The following HMGCLL1 variants were observed in gnomAD, a reference collection of about 807,000 sequenced individuals.
HMGCLL1 encodes 3-hydroxymethyl-3-methylglutaryl-CoA lyase, cytoplasmic.
In HMGCLL1, 36 loss-of-function variants were observed where a neutral mutation model predicts 39.1. That is an observed-to-expected ratio of 0.92 (90% CI 0.71 to 1.22). HMGCLL1 has a LOEUF of 1.22. Among genes scored for constraint, HMGCLL1 ranks in the 50% most tolerant of loss-of-function variants. HMGCLL1 has a pLI of 0.00. For missense variants in HMGCLL1, 451 were observed against 416.5 expected (o/e 1.08, Z -0.72); for synonymous variants, 149 against 144.0 (o/e 1.03, Z -0.25).
At position 55,532,804 on chromosome 6, in the gene HMGCLL1, CATAATAATAATA is replaced by C. The variant is rs201080387; in HGVS notation, c.297+8913_297+8924del. Among the ~76,000 whole-genome samples the C allele has an allele frequency of 9.6e-3, 689 of 71,524 alleles. 3 individuals carry two copies. Among genetic ancestry groups the C allele is most frequent in the East Asian group, 0.019 (49 of 2,596 alleles). The allele number at this position is 71,524 out of a possible 152,430, so 46.9% of individuals were successfully genotyped here. On this transcript the variant is annotated intron_variant, in intron 3 of 8. Coordinates refer to ENST00000274901, the MANE Select transcript of HMGCLL1 (RefSeq NM_001042406.2). ...CAACAAAGCAAGACTCTGTCTCAAA[CATAATAATAATA>C]ATAATAATAATAATAATAATAATAA...
chr6:55,577,985 A>C (rs895089502), intron 1 of HMGCLL1, among the ~76,000 whole-genome samples: 1 of 152,226 alleles, frequency 6.6e-6, no homozygotes, highest in Non-Finnish European at 1.5e-5. Context: ...AATTTCACAT[A>C]TGATACACTA....
intron 7 of HMGCLL1, among the ~76,000 whole-genome samples, chr6:55,457,511 G>A (rs1764375692): frequency 6.6e-6 from 1 of 152,150 alleles, no homozygotes; most frequent in African/African-American, 2.4e-5. Context: ...AGAAGTTTGA[G>A]TTATTAAAGC....
intron 1 of HMGCLL1, among the ~76,000 whole-genome samples, chr6:55,573,324 G>T (rs1256273395): frequency 6.6e-6 from 1 of 152,090 alleles, no homozygotes; most frequent in Non-Finnish European, 1.5e-5. Context: ...CATACCAGGT[G>T]TCTAACATAT....
upstream of HMGCLL1, among the ~76,000 whole-genome samples, chr6:55,581,113 C>A (rs1323298917): frequency 6.6e-6 from 1 of 152,020 alleles, no homozygotes; most frequent in Non-Finnish European, 1.5e-5. Context: ...AAATTGAAGT[C>A]TAAACTTTTG....
At chr6:55,659,525 T>C in the HMGCLL1 span, among the ~76,000 whole-genome samples, 8,347 of 151,954 alleles carry the variant, frequency 0.055, 388 homozygotes, top group Non-Finnish European at 0.077. Context: ...CTAGTTGTCA[T>C]GCAACTGAAG....
rs1769446356 is a variant in HMGCLL1, at chr6:55,541,720, T to A, written c.297+9A>T. ...TAGGATCTAATTAAGAAATTGTGGG[T>A]TTACATACCTGTGGTACCCATCTGG... On this transcript the variant is annotated intron_variant, in intron 3 of 8. Transcript: ENST00000274901. 1 of 1,443,396 alleles carries A rather than the reference T, an allele frequency of 6.9e-7. No individual in the cohort carries two copies. The highest frequency in any genetic ancestry group is 9.5e-7 in the Non-Finnish European group (1 of 1,048,800). The allele number at this position is 1,443,396 out of a possible 1,614,324, so 89.4% of individuals were successfully genotyped here.
the HMGCLL1 span, among the ~76,000 whole-genome samples, chr6:55,584,902 A>G: frequency 1.3e-5 from 2 of 151,990 alleles, no homozygotes; most frequent in Non-Finnish European, 2.9e-5. Context: ...ACAGCCTTAA[A>G]CAATAAAAAA....
intron 5 of HMGCLL1, 144 bp downstream of exon 5, chr6:55,513,877 GCAGTGATGTTAATGAGATGTAACTATA>G: frequency 1.7e-6 from 1 of 581,846 alleles, no homozygotes; most frequent in Non-Finnish European, 2.9e-6. Context: ...CTAATAATCA[GCAGTGATGTTAATGAGATGTAACTATA>G]TAGTGATTAC....
chr6:55,647,941 C>T, the HMGCLL1 span, among the ~76,000 whole-genome samples: 1 of 103,176 alleles, frequency 9.7e-6, no homozygotes, highest in African/African-American at 4.0e-5. Context: ...CACCACAGTC[C>T]CCAGAGTGTG....
At chr6:55,655,364 A>T in the HMGCLL1 span, among the ~76,000 whole-genome samples, 1 of 151,530 alleles carries the variant, frequency 6.6e-6, no homozygotes, top group Non-Finnish European at 1.5e-5. Context: ...AATTATACAG[A>T]ACTCCTTATT....
chr6:55,593,092 T>A, the HMGCLL1 span, among the ~76,000 whole-genome samples: 5 of 152,088 alleles, frequency 3.3e-5, no homozygotes, highest in African/African-American at 1.2e-4. Context: ...TAAGTTTCCT[T>A]ATTCCCCTCA....
chr6:55,526,211 C>T (rs534050800), intron 3 of HMGCLL1, among the ~76,000 whole-genome samples: 61 of 152,076 alleles, frequency 4.0e-4, no homozygotes, highest in African/African-American at 1.3e-3. Context: ...TTGATGATAG[C>T]AAAATGTCTG....
intron 7 of HMGCLL1, among the ~76,000 whole-genome samples, chr6:55,493,739 G>T (rs1029017236): frequency 3.4e-5 from 5 of 148,976 alleles, no homozygotes; most frequent in South Asian, 2.1e-4. Context: ...TTTTGTTTTT[G>T]TTTTTTTTTT....
chr6:55,608,507 G>A, the HMGCLL1 span, among the ~76,000 whole-genome samples: 7 of 152,030 alleles, frequency 4.6e-5, no homozygotes, highest in East Asian at 1.9e-4. Flanking sequence ...CAGGCTAATC[G>A]GATTCCCCCA....
intron 5 of HMGCLL1, among the ~76,000 whole-genome samples, chr6:55,502,201 T>G (rs1425512770): frequency 6.6e-6 from 1 of 151,752 alleles, no homozygotes; most frequent in Non-Finnish European, 1.5e-5. Flanking sequence ...CTTGGCATAT[T>G]GAATATATTA....
intron 1 of HMGCLL1, among the ~76,000 whole-genome samples, chr6:55,544,104 A>T (rs556799474): frequency 1.3e-5 from 2 of 152,190 alleles, no homozygotes; most frequent in African/African-American, 4.8e-5. Flanking sequence ...AGTGGAACCT[A>T]TACCACAATA....
intron 7 of HMGCLL1, among the ~76,000 whole-genome samples, chr6:55,463,234 G>A (rs1429024408): frequency 6.6e-6 from 1 of 151,768 alleles, no homozygotes; most frequent in East Asian, 1.9e-4. Flanking sequence ...GTTTCACTAT[G>A]TTGGCCAGGC....
chr6:55,671,221 G>A, the HMGCLL1 span, among the ~76,000 whole-genome samples: 4 of 151,752 alleles, frequency 2.6e-5, no homozygotes, highest in African/African-American at 9.7e-5. Flanking sequence ...CTTGGTAAAA[G>A]GAATGTTTCA....
chr6:55,453,429 C>G (rs949504289), intron 7 of HMGCLL1, among the ~76,000 whole-genome samples: 2 of 152,140 alleles, frequency 1.3e-5, no homozygotes, highest in Middle Eastern at 3.2e-3. Context: ...TCCCAAAGTG[C>G]TGGGATTACA....
Sources: gnomAD v4.1 joint callset for allele counts (sites outside exome capture counted in the v4.1 genomes callset) on GRCh38, gnomAD v4.1.1 for gene constraint, MANE v1.5 for transcripts, NCBI Gene and HGNC (gene_info 2026-07-23, HGNC 2026-07-21) for gene names.